The following AGBL4 variants were observed in gnomAD, a reference collection of about 807,000 sequenced individuals.
AGBL4 encodes the protein AGBL carboxypeptidase 4.
Under a neutral mutation model 66.4 loss-of-function variants are expected in AGBL4, and 58 were observed. The ratio of observed to expected loss-of-function variants is 0.87; its 90% CI spans 0.71 to 1.09. The LOEUF (loss-of-function observed/expected upper bound fraction) is 1.09. Among genes scored for constraint, AGBL4 ranks in the 50% least tolerant of loss-of-function variants. The pLI is 0.00. For synonymous variants in AGBL4, 234 were observed against 222.9 expected, an observed-to-expected ratio of 1.05 and a Z score of -0.44; for missense variants, 579 against 631.0, an observed-to-expected ratio of 0.92 and a Z score of 0.88.
intron 3 of AGBL4, among the ~76,000 whole-genome samples, chr1:49,297,900 G>C (rs1644672343): frequency 6.6e-6 from 1 of 152,100 alleles, no homozygotes; most frequent in Non-Finnish European, 1.5e-5. Flanking sequence ...AAAGTTGTCA[G>C]CCATGAGATT....
chr1:49,322,507 A>C (rs369398041), intron 3 of AGBL4, among the ~76,000 whole-genome samples: 5 of 152,342 alleles, frequency 3.3e-5, no homozygotes, highest in East Asian at 1.9e-4. Flanking sequence ...AAGGGTCTTT[A>C]TAGTTGTAAT....
chr1:48,751,772 G>T (rs559139549), intron 6 of AGBL4, among the ~76,000 whole-genome samples: 1 of 152,262 alleles, frequency 6.6e-6, no homozygotes, highest in African/African-American at 2.4e-5. Flanking sequence ...TAAATACCTA[G>T]GCAGTTGTTA....
intron 4 of AGBL4, among the ~76,000 whole-genome samples, chr1:49,146,864 G>A (rs1291348469): frequency 1.3e-5 from 2 of 152,234 alleles, no homozygotes; most frequent in Non-Finnish European, 2.9e-5. Flanking sequence ...ATCTGATTAT[G>A]AAGGCACAGC....
chr1:49,207,933 C>T (rs1648372935), intron 4 of AGBL4, among the ~76,000 whole-genome samples: 2 of 152,054 alleles, frequency 1.3e-5, no homozygotes, highest in South Asian at 4.2e-4. Context: ...TTGATATTGT[C>T]TTTCACTCTA....
At chr1:48,759,040 T>C (rs750936942) in intron 6 of AGBL4, 1 of 1,613,916 alleles carries the variant, frequency 6.2e-7, no homozygotes. Context: ...CTCCAGCTCC[T>C]GCTGGAGGTG....
chr1:49,451,112 C>T (rs1646269350), intron 3 of AGBL4, among the ~76,000 whole-genome samples: 1 of 152,008 alleles, frequency 6.6e-6, no homozygotes, highest in African/African-American at 2.4e-5. Flanking sequence ...AATGGAAGTA[C>T]ACATTTCCTT....
At chr1:49,196,985 G>A (rs755107988) in intron 4 of AGBL4, among the ~76,000 whole-genome samples, 14 of 151,860 alleles carry the variant, frequency 9.2e-5, no homozygotes, top group Non-Finnish European at 1.5e-4. Flanking sequence ...ACGTCACCAT[G>A]CCCAGCATTT....
intron 4 of AGBL4, among the ~76,000 whole-genome samples, chr1:49,177,245 T>C (rs1054013746): frequency 5.3e-5 from 8 of 152,166 alleles, no homozygotes; most frequent in African/African-American, 1.9e-4. Context: ...GAGTATGGAA[T>C]AATGGGGTTC....
intron 2 of AGBL4, among the ~76,000 whole-genome samples, chr1:49,783,565 G>C: frequency 6.6e-6 from 1 of 151,964 alleles, no homozygotes; most frequent in Non-Finnish European, 1.5e-5. Flanking sequence ...AGTGAAAGAC[G>C]GCTACTTTTC....
chr1:49,342,087 C>T (rs1016255397), intron 3 of AGBL4, among the ~76,000 whole-genome samples: 6 of 152,054 alleles, frequency 3.9e-5, no homozygotes, highest in Non-Finnish European at 7.4e-5. Context: ...AGGTCATACC[C>T]CTTCCCTGGC....
intron 6 of AGBL4, among the ~76,000 whole-genome samples, chr1:48,849,939 C>T (rs1160425833): frequency 6.6e-6 from 1 of 152,098 alleles, no homozygotes; most frequent in Non-Finnish European, 1.5e-5. Context: ...CACCACTGCA[C>T]TCCAGCCTGG....
In AGBL4 at chr1:49,248,802, C is replaced by T. The variant is rs142645381; in HGVS notation, c.283-2938G>A. Among the ~76,000 whole-genome samples, 38 of 152,170 alleles carry T rather than the reference C, an allele frequency of 2.5e-4. No homozygotes were observed. The East Asian group carries it at 6.6e-3, about 26-fold the overall frequency. On this transcript the variant is annotated intron_variant, in intron 3 of 13. Coordinates refer to ENST00000371839, the MANE Select transcript of AGBL4 (RefSeq NM_032785.4). Reference sequence around the variant, plus strand: ...CGTTTCCTCTTCTCATCAATAAAGCCAGATCTTTTGGTACATTACAATGTC... The same window carrying T: ...CGTTTCCTCTTCTCATCAATAAAGCTAGATCTTTTGGTACATTACAATGTC...
At chr1:48,567,040 T>C (rs969795571) in intron 11 of AGBL4, among the ~76,000 whole-genome samples, 1 of 152,220 alleles carries the variant, frequency 6.6e-6, no homozygotes, top group Admixed American at 6.5e-5. Flanking sequence ...ACACCCTATT[T>C]GTCCTGTTTC....
Position 48,653,535 on chromosome 1 carries a change from G to C in AGBL4, c.725-84C>G, listed in dbSNP as rs915081782. 5.8e-6 allele frequency: 6 copies of C among 1,041,342 alleles called. No individual in the cohort carries two copies. The South Asian group carries it at 7.4e-5, about 13-fold the overall frequency. 64.5% of individuals were successfully genotyped at this position (1,041,342 alleles called of 1,614,324 possible). A position where few individuals can be genotyped will look rare whatever the true frequency, so the allele number is the denominator to read the frequency against. The stretch of plus-strand genomic sequence containing the variant: ...TTTTTCTCAGCTTGGAAAACAAGAA[G>C]AGCTCAATAGGTGATTTTGGCCTGT... On this transcript the variant is annotated intron_variant, in intron 7 of 13. Transcript: ENST00000371839.
intron 2 of AGBL4, among the ~76,000 whole-genome samples, chr1:49,829,382 G>C (rs923908135): frequency 1.3e-5 from 2 of 152,070 alleles, no homozygotes; most frequent in Non-Finnish European, 2.9e-5. Flanking sequence ...CAGCTGCCAG[G>C]GTAAGACAGT....
intron 2 of AGBL4, among the ~76,000 whole-genome samples, chr1:49,771,057 T>A (rs1209053571): frequency 6.6e-6 from 1 of 152,108 alleles, no homozygotes; most frequent in East Asian, 1.9e-4. Flanking sequence ...GGGTTGATTG[T>A]TCTTGTTTTT....
rs1427843910 is a variant in AGBL4 at position 48,798,662 on chromosome 1, T to A, written c.634+68529A>T. Among the ~76,000 whole-genome samples the A allele has an allele frequency of 2.0e-5, 3 of 152,206 alleles. No homozygotes were observed. The East Asian group carries it at 5.8e-4, about 29-fold the overall frequency. On this transcript the variant is annotated intron_variant, in intron 6 of 13. Coordinates refer to ENST00000371839, the MANE Select transcript of AGBL4 (RefSeq NM_032785.4). ...GTTTTAGGTTACTTAGGTTTAAATC[T>A]TTGATCTATTTTGAGTTGATTTTTG...
intron 6 of AGBL4, among the ~76,000 whole-genome samples, chr1:48,716,406 A>G (rs1647051423): frequency 6.6e-6 from 1 of 152,178 alleles, no homozygotes. Context: ...ACTATATCAT[A>G]GGGCCAAAGA....
chr1:48,523,699 G>A, the AGBL4 span, among the ~76,000 whole-genome samples: 55 of 144,174 alleles, frequency 3.8e-4, no homozygotes, highest in Admixed American at 2.2e-3. Context: ...CTCAAGCTCC[G>A]TGGAGCTGCT....
Sources: allele counts gnomAD v4.1 joint callset (sites outside exome capture counted in the v4.1 genomes callset), GRCh38; gene constraint gnomAD v4.1.1; transcripts MANE v1.5; gene names NCBI Gene and HGNC (gene_info 2026-07-23, HGNC 2026-07-21).